Variants in DCC observed in about 807,000 individuals in gnomAD.
DCC encodes the protein netrin receptor DCC.
A neutral mutation model predicts 172.5 loss-of-function variants in DCC; 58 were observed. The ratio of observed to expected loss-of-function variants is 0.34; its 90% CI spans 0.27 to 0.42. DCC has a LOEUF of 0.42. DCC is among the 10% of genes least tolerant of loss of function. The pLI is 1.00. For missense variants in DCC, 1,740 were observed against 1,791.0 expected, an observed-to-expected ratio of 0.97 and a Z score of 0.51; for synonymous variants, 709 against 644.5, an observed-to-expected ratio of 1.10 and a Z score of -1.52.
intron 1 of DCC, among the ~76,000 whole-genome samples, chr18:52,551,324 T>A (rs1287083118): frequency 2.6e-5 from 4 of 151,954 alleles, no homozygotes; most frequent in Non-Finnish European, 5.9e-5. Flanking sequence ...TCTGAAATAT[T>A]AATAGTGGCA....
At chr18:53,343,788 A>AT (rs926636310) in intron 15 of DCC, among the ~76,000 whole-genome samples, 23 of 151,828 alleles carry the variant, frequency 1.5e-4, no homozygotes, top group East Asian at 3.9e-4. Context: ...TGGACCTGAG[A>AT]TTTTTTTTAT....
chr18:53,188,082 T>C (rs963380066), intron 9 of DCC, among the ~76,000 whole-genome samples: 7 of 152,202 alleles, frequency 4.6e-5, no homozygotes, highest in Non-Finnish European at 1.0e-4. Context: ...TTATAAATTA[T>C]AACTCTGGGT....
chr18:52,805,105 A>G (rs1213286898), intron 2 of DCC, among the ~76,000 whole-genome samples: 5 of 152,210 alleles, frequency 3.3e-5, no homozygotes, highest in Non-Finnish European at 5.9e-5. Flanking sequence ...TAGCTGCCTC[A>G]CAGAGCTATT....
intron 12 of DCC, among the ~76,000 whole-genome samples, chr18:53,227,678 A>G (rs977755920): frequency 6.6e-6 from 1 of 152,218 alleles, no homozygotes; most frequent in Non-Finnish European, 1.5e-5. Flanking sequence ...AGAACATATT[A>G]TGTATCTAAT....
At chr18:52,775,726 C>T (rs970669949) in intron 2 of DCC, among the ~76,000 whole-genome samples, 1 of 152,222 alleles carries the variant, frequency 6.6e-6, no homozygotes, top group Non-Finnish European at 1.5e-5. Context: ...TCTTCTTCCG[C>T]CGATGTGCTC....
intron 1 of DCC, among the ~76,000 whole-genome samples, chr18:52,746,130 G>T (rs2036902363): frequency 6.6e-6 from 1 of 152,106 alleles, no homozygotes. Flanking sequence ...ATCATCCATA[G>T]AATTATTTTT....
chr18:53,386,127 G>C lies in DCC; in HGVS notation c.2444G>C (p.Arg815Thr), dbSNP rs1213639162. 1.2e-6 allele frequency: 2 copies of C among 1,605,962 alleles called. No homozygotes were observed. The highest frequency in any genetic ancestry group is 1.7e-6 in the Non-Finnish European group (2 of 1,172,854). Residue 815 changes from arginine (R) to threonine (T), a missense_variant, in exon 16 of 29, where the codon AGG (arginine) becomes ACG (threonine). This residue lies in a region of DCC where 1,732 missense variants were observed against 1,767.4 expected (regional missense o/e 0.98). Coordinates refer to ENST00000442544, the MANE Select transcript of DCC (RefSeq NM_005215.4). ...CCTCTTTATGAAAGTGCCACCACCA[G>C]GTCTATAACCGGTAAGTGAAATTGT... ...GVPLYESATTRSITDPTDPVD... is the reference protein window; with the variant it reads ...GVPLYESATTTSITDPTDPVD...
intron 25 of DCC, among the ~76,000 whole-genome samples, chr18:53,481,283 G>T (rs2045828974): frequency 6.6e-6 from 1 of 152,160 alleles, no homozygotes; most frequent in Non-Finnish European, 1.5e-5. Flanking sequence ...TGGCTATGAT[G>T]CTTATTCACT....
intron 2 of DCC, among the ~76,000 whole-genome samples, chr18:52,756,699 T>C (rs2037081471): frequency 6.6e-6 from 1 of 152,150 alleles, no homozygotes; most frequent in South Asian, 2.1e-4. Context: ...GCCAAGCACA[T>C]CTTCCCTACT....
intron 15 of DCC, among the ~76,000 whole-genome samples, chr18:53,343,477 C>A (rs1314598929): frequency 1.3e-5 from 2 of 151,472 alleles, no homozygotes; most frequent in Non-Finnish European, 3.0e-5. Flanking sequence ...GAAGGGTAAC[C>A]AACCTTGAAT....
intron 1 of DCC, among the ~76,000 whole-genome samples, chr18:52,553,519 A>G (rs2032832312): frequency 1.3e-5 from 2 of 152,046 alleles, no homozygotes; most frequent in African/African-American, 4.8e-5. Flanking sequence ...GCCAAACATG[A>G]ATTTCTGTTC....
intron 1 of DCC, among the ~76,000 whole-genome samples, chr18:52,458,633 C>T (rs1988531344): frequency 6.6e-6 from 1 of 152,070 alleles, no homozygotes; most frequent in African/African-American, 2.4e-5. Context: ...GAATACAGCA[C>T]CAGAGATTCA....
intron 1 of DCC, among the ~76,000 whole-genome samples, chr18:52,449,919 T>C (rs1019309589): frequency 6.6e-5 from 10 of 152,310 alleles, no homozygotes; most frequent in Non-Finnish European, 1.5e-4. Context: ...ATGCATAACT[T>C]TGAGTCCATT....
At chr18:53,054,999 A>C (rs1220861504) in intron 5 of DCC, among the ~76,000 whole-genome samples, 1 of 152,060 alleles carries the variant, frequency 6.6e-6, no homozygotes, top group Admixed American at 6.6e-5. Context: ...TTATATCTTA[A>C]ATGTTGTTCC....
At chr18:52,872,180 A>T (rs189466414) in intron 2 of DCC, among the ~76,000 whole-genome samples, 151 of 152,286 alleles carry the variant, frequency 9.9e-4, no homozygotes, top group African/African-American at 3.4e-3. Flanking sequence ...AGGAGCTTAT[A>T]TGCAATCTTG....
chr18:53,234,420 C>T (rs2144622606), intron 12 of DCC, among the ~76,000 whole-genome samples: 1 of 151,644 alleles, frequency 6.6e-6, no homozygotes, highest in Admixed American at 6.6e-5. Flanking sequence ...AGAGTAAGAC[C>T]CTGTCTCAAA....
Position 53,533,871 on chromosome 18 carries a change from G to T in DCC, c.*3218G>T, listed in dbSNP as rs1454131135. On this transcript the variant is annotated 3_prime_UTR_variant, in exon 29 of 29. Transcript: ENST00000442544. ...AAATAGGGATTATTCAAAATTAGGT[G>T]TATGTTCAATCTCCTGCTTTGGTTC... is the stretch of plus-strand genomic sequence containing the variant. 6.6e-6 allele frequency: 1 copy of T among 152,178 alleles called. No individual in the cohort carries two copies. Among genetic ancestry groups the T allele is most frequent in the Non-Finnish European group, 1.5e-5 (1 of 68,020 alleles). 9.4% of individuals were successfully genotyped at this position (152,178 alleles called of 1,614,324 possible). A position where few individuals can be genotyped will look rare whatever the true frequency, so the allele number is the denominator to read the frequency against.
intron 5 of DCC, chr18:52,931,902 T>C (rs908500573): frequency 1.3e-5 from 2 of 152,020 alleles, no homozygotes; most frequent in Admixed American, 1.3e-4. Flanking sequence ...ATAATTACAA[T>C]TCGTAAAATC....
At chr18:52,401,693 A>AG in intron 1 of DCC, among the ~76,000 whole-genome samples, 1 of 152,042 alleles carries the variant, frequency 6.6e-6, no homozygotes, top group African/African-American at 2.4e-5. Context: ...TCTAAGTCCT[A>AG]GAGCAGTGAA....
Sources: gnomAD v4.1 joint callset for allele counts (sites outside exome capture counted in the v4.1 genomes callset) on GRCh38, gnomAD v4.1.1 for gene constraint, gnomAD v4.1.1 regional missense constraint, MANE v1.5 for transcripts, NCBI Gene and HGNC (gene_info 2026-07-23, HGNC 2026-07-21) for gene names.